Variants in DCC observed in about 807,000 individuals in gnomAD.
DCC encodes the protein netrin receptor DCC.
A neutral mutation model predicts 172.5 loss-of-function variants in DCC; 58 were observed. That is an observed-to-expected ratio of 0.34 (90% CI 0.27 to 0.42). DCC has a LOEUF of 0.42. Ranked by LOEUF, DCC falls within the 10% of genes least tolerant of loss-of-function variation. The probability of loss-of-function intolerance (pLI) is 1.00; values close to 1 mark genes in which losing one functional copy is unlikely to be tolerated. For missense variants in DCC, 1,740 were observed against 1,791.0 expected, an observed-to-expected ratio of 0.97 and a Z score of 0.51; for synonymous variants, 709 against 644.5, an observed-to-expected ratio of 1.10 and a Z score of -1.52.
At chr18:53,105,252 G>T (rs1036395670) in intron 7 of DCC, among the ~76,000 whole-genome samples, 9 of 151,954 alleles carry the variant, frequency 5.9e-5, no homozygotes, top group Non-Finnish European at 1.2e-4. Flanking sequence ...CCTTAATAAA[G>T]AAAGCCAAGC....
chr18:53,288,159 T>TA, intron 12 of DCC, among the ~76,000 whole-genome samples: 1 of 152,278 alleles, frequency 6.6e-6, no homozygotes, highest in South Asian at 2.1e-4. Flanking sequence ...TTATTGTGCA[T>TA]AAAAAAGTAA....
intron 1 of DCC, among the ~76,000 whole-genome samples, chr18:52,386,888 C>T (rs577934858): frequency 3.3e-5 from 5 of 152,158 alleles, no homozygotes; most frequent in Non-Finnish European, 5.9e-5. Context: ...ACTAACTCTC[C>T]AGTCTAGTAC....
chr18:52,705,840 T>C (rs943726690), intron 1 of DCC, among the ~76,000 whole-genome samples: 1 of 152,234 alleles, frequency 6.6e-6, no homozygotes, highest in Non-Finnish European at 1.5e-5. Flanking sequence ...ATTCATTCAT[T>C]GAATTTATAA....
chr18:52,588,400 G>T (rs1055131548), intron 1 of DCC, among the ~76,000 whole-genome samples: 4 of 152,176 alleles, frequency 2.6e-5, no homozygotes, highest in African/African-American at 9.7e-5. Flanking sequence ...CAGGTCACTT[G>T]ATAAATGGAC....
intron 1 of DCC, among the ~76,000 whole-genome samples, chr18:52,611,977 T>G: frequency 6.6e-6 from 1 of 152,180 alleles, no homozygotes; most frequent in East Asian, 1.9e-4. Context: ...AGATAGGTTT[T>G]GGCATTGGAT....
chr18:53,010,990 A>G (rs554334982), intron 5 of DCC, among the ~76,000 whole-genome samples: 1 of 151,444 alleles, frequency 6.6e-6, no homozygotes, highest in Admixed American at 6.6e-5. Flanking sequence ...TTCAAAATTG[A>G]TATTAAATAG....
At chr18:53,112,323 C>T (rs1312357044) in intron 7 of DCC, among the ~76,000 whole-genome samples, 1 of 151,338 alleles carries the variant, frequency 6.6e-6, no homozygotes, top group Non-Finnish European at 1.5e-5. Context: ...TGAATATATA[C>T]TCTGCTAAGT....
At chr18:52,352,877 C>T (rs1444640815) in intron 1 of DCC, among the ~76,000 whole-genome samples, 1 of 152,134 alleles carries the variant, frequency 6.6e-6, no homozygotes, top group Admixed American at 6.5e-5. Flanking sequence ...TTTGCATCAC[C>T]TGGGAGCTTA....
At chr18:53,178,816 C>G (rs919729181) in intron 8 of DCC, 146 bp from the exon 9 acceptor site, 4 of 759,504 alleles carry the variant, frequency 5.3e-6, no homozygotes, top group African/African-American at 5.2e-5. Context: ...TATAGAAAGT[C>G]TGAGGTCTTG....
chr18:52,566,538 A>G (rs185648965), intron 1 of DCC, among the ~76,000 whole-genome samples: 64 of 152,276 alleles, frequency 4.2e-4, no homozygotes, highest in African/African-American at 1.4e-3. Flanking sequence ...TGAAATTTGG[A>G]CATTTAATGT....
intron 2 of DCC, among the ~76,000 whole-genome samples, chr18:52,862,657 C>G (rs1266728926): frequency 6.6e-6 from 1 of 152,048 alleles, no homozygotes; most frequent in Non-Finnish European, 1.5e-5. Context: ...GAGATTGCGC[C>G]ACTGCACTTC....
chr18:53,387,744 C>G (rs1401385469), intron 16 of DCC, among the ~76,000 whole-genome samples: 1 of 152,174 alleles, frequency 6.6e-6, no homozygotes. Flanking sequence ...TCTGTCCTGC[C>G]TATGGTAAAA....
chr18:53,177,744 A>G (rs2055129407), intron 8 of DCC, among the ~76,000 whole-genome samples: 1 of 152,232 alleles, frequency 6.6e-6, no homozygotes, highest in Middle Eastern at 3.4e-3. Context: ...CAACCTCTTG[A>G]TGAGACTCAG....
rs565840091 is a variant in DCC at position 53,185,816 on chromosome 18, C to T, written c.1573+6700C>T. Among the ~76,000 whole-genome samples the T allele has an allele frequency of 2.0e-5, 3 of 152,192 alleles. No individual in the cohort carries two copies. In the East Asian group the frequency reaches 5.8e-4, roughly 29 times the overall value. The stretch of plus-strand genomic sequence containing the variant: ...AAACAGCTTTCACAGATTTCATCTC[C>T]CTGAACAAAATTGTTCAGTTTTGTT... On this transcript the variant is annotated intron_variant, in intron 9 of 28. Coordinates refer to ENST00000442544, the MANE Select transcript of DCC (RefSeq NM_005215.4).
At chr18:52,960,832 G>C (rs4940227) in intron 5 of DCC, among the ~76,000 whole-genome samples, 21,189 of 152,070 alleles carry the variant, frequency 0.14, 1,741 homozygotes, top group East Asian at 0.34. Flanking sequence ...ATGGATTGAT[G>C]TTTGAAGTAA....
At chr18:53,405,731 C>T (rs1158172554) in intron 19 of DCC, among the ~76,000 whole-genome samples, 1 of 152,104 alleles carries the variant, frequency 6.6e-6, no homozygotes, top group Non-Finnish European at 1.5e-5. Context: ...ATACATTAAG[C>T]ATTTATTATA....
At chr18:52,403,778 T>C (rs990560457) in intron 1 of DCC, among the ~76,000 whole-genome samples, 2 of 152,036 alleles carry the variant, frequency 1.3e-5, no homozygotes, top group African/African-American at 4.8e-5. Context: ...TTCAATAGCA[T>C]ATTTCACACT....
chr18:52,474,309 G>C (rs1823320300), intron 1 of DCC, among the ~76,000 whole-genome samples: 1 of 151,946 alleles, frequency 6.6e-6, no homozygotes, highest in African/African-American at 2.4e-5. Context: ...AGTCGGGGGA[G>C]TAGGAGGCTG....
At chr18:53,427,951 T>TATATA (rs1911114759) in intron 21 of DCC, among the ~76,000 whole-genome samples, 1 of 50,572 alleles carries the variant, frequency 2.0e-5, no homozygotes, top group Non-Finnish European at 4.9e-5. Flanking sequence ...TATTATAATA[T>TATATA]ATAATATAAT....
Sources: gnomAD v4.1 joint callset for allele counts (sites outside exome capture counted in the v4.1 genomes callset) on GRCh38, gnomAD v4.1.1 for gene constraint, MANE v1.5 for transcripts, NCBI Gene and HGNC (gene_info 2026-07-23, HGNC 2026-07-21) for gene names.